The following DDX10 variants were observed in gnomAD, a reference collection of about 807,000 sequenced individuals.
DDX10 encodes probable ATP-dependent RNA helicase DDX10.
Under a neutral mutation model 104.3 loss-of-function variants are expected in DDX10, and 74 were observed. That is an observed-to-expected ratio of 0.71 (90% confidence interval 0.59 to 0.86). The LOEUF (loss-of-function observed/expected upper bound fraction) is 0.86. DDX10 is among the 40% of genes least tolerant of loss of function. The pLI, the probability that DDX10 is intolerant of heterozygous loss-of-function variation, is 0.00. For synonymous variants in DDX10, 351 were observed against 353.4 expected, an observed-to-expected ratio of 0.99 and a Z score of 0.08; for missense variants, 952 against 1,040.0, an observed-to-expected ratio of 0.92 and a Z score of 1.16.
intron 16 of DDX10, among the ~76,000 whole-genome samples, chr11:108,900,050 T>A (rs1334406460): frequency 6.6e-6 from 1 of 151,920 alleles, no homozygotes; most frequent in Non-Finnish European, 1.5e-5. Flanking sequence ...AGGCGGAGGT[T>A]GCAGTGAGCT....
chr11:108,834,100 C>T (rs940093150), intron 13 of DDX10, among the ~76,000 whole-genome samples: 3 of 151,634 alleles, frequency 2.0e-5, no homozygotes, highest in African/African-American at 7.3e-5. Context: ...AGACTACAGG[C>T]CTGTGCCACC....
intron 13 of DDX10, among the ~76,000 whole-genome samples, chr11:108,804,007 G>A (rs1413242311): frequency 6.6e-6 from 1 of 152,110 alleles, no homozygotes; most frequent in Non-Finnish European, 1.5e-5. Context: ...GCAATTTCTT[G>A]CTGCTCTCTT....
At chr11:108,679,325 T>C in intron 5 of DDX10, 46 bp from the exon 6 acceptor site, 4 of 1,477,238 alleles carry the variant, frequency 2.7e-6, no homozygotes, top group Non-Finnish European at 3.6e-6. Context: ...TTTAGCCTAA[T>C]GTATATTTTA....
chr11:108,672,313 A>G (rs2094218226), intron 1 of DDX10, among the ~76,000 whole-genome samples: 2 of 152,096 alleles, frequency 1.3e-5, no homozygotes, highest in African/African-American at 4.8e-5. Flanking sequence ...TCCCTTTGAA[A>G]ACAGCTTTTT....
intron 11 of DDX10, among the ~76,000 whole-genome samples, chr11:108,719,054 G>C (rs1383160127): frequency 6.7e-6 from 1 of 149,530 alleles, no homozygotes; most frequent in South Asian, 2.1e-4. Context: ...ACTGATAAAG[G>C]ATCAGGACCC....
intron 13 of DDX10, among the ~76,000 whole-genome samples, chr11:108,805,749 T>C (rs538357809): frequency 6.6e-6 from 1 of 152,284 alleles, no homozygotes; most frequent in South Asian, 2.1e-4. Flanking sequence ...ATCCTTCATT[T>C]GTTGATGTCA....
chr11:108,855,582 C>T (rs1005402899), intron 16 of DDX10, among the ~76,000 whole-genome samples: 8 of 152,154 alleles, frequency 5.3e-5, no homozygotes, highest in Admixed American at 3.3e-4. Context: ...GCCTCAGCCT[C>T]CCGAGTAGCT....
At chr11:108,857,285 G>T (rs1862883113) in intron 16 of DDX10, among the ~76,000 whole-genome samples, 1 of 152,152 alleles carries the variant, frequency 6.6e-6, no homozygotes, top group African/African-American at 2.4e-5. Flanking sequence ...AGTAAGGAAA[G>T]AACTCTGGGC....
At chr11:108,771,381 A>G (rs562138892) in intron 13 of DDX10, among the ~76,000 whole-genome samples, 1 of 149,018 alleles carries the variant, frequency 6.7e-6, no homozygotes, top group Admixed American at 6.7e-5. Flanking sequence ...TTTTTTTGAG[A>G]TGGAGTCTCA....
At chr11:108,754,615 A>G (rs2094342365) in intron 13 of DDX10, among the ~76,000 whole-genome samples, 1 of 152,088 alleles carries the variant, frequency 6.6e-6, no homozygotes, top group Admixed American at 6.6e-5. Context: ...TGGAAATGAA[A>G]TAGATGAGTA....
chr11:108,833,998 C>T (rs1034808959), intron 13 of DDX10, among the ~76,000 whole-genome samples: 2 of 152,086 alleles, frequency 1.3e-5, no homozygotes, highest in African/African-American at 4.8e-5. Flanking sequence ...CTCTTTGATC[C>T]AAGCTAGATT....
At chr11:108,680,315 A>C (rs879803918) in intron 6 of DDX10, among the ~76,000 whole-genome samples, 2 of 152,200 alleles carry the variant, frequency 1.3e-5, no homozygotes, top group African/African-American at 4.8e-5. Flanking sequence ...TCTGGGCTCA[A>C]ACAATCCTCC....
At chr11:108,934,833 T>C (rs1013416313) in intron 17 of DDX10, among the ~76,000 whole-genome samples, 1 of 152,162 alleles carries the variant, frequency 6.6e-6, no homozygotes, top group Non-Finnish European at 1.5e-5. Flanking sequence ...GAACTTGTGA[T>C]ATTAAAAACG....
At chr11:108,794,517 G>A (rs1271354323) in intron 13 of DDX10, among the ~76,000 whole-genome samples, 2 of 151,284 alleles carry the variant, frequency 1.3e-5, no homozygotes, top group South Asian at 2.1e-4. Context: ...TTTTGGAGGT[G>A]TCCTTTATCA....
intron 16 of DDX10, among the ~76,000 whole-genome samples, chr11:108,892,558 C>T (rs191438067): frequency 1.3e-5 from 2 of 152,108 alleles, no homozygotes; most frequent in East Asian, 1.9e-4. Context: ...GTAGTAATGC[C>T]CGTGCAATCA....
intron 13 of DDX10, among the ~76,000 whole-genome samples, chr11:108,731,074 C>T (rs569019587): frequency 6.1e-5 from 9 of 146,890 alleles, no homozygotes; most frequent in East Asian, 4.1e-4. Context: ...TTTTTTGAGA[C>T]GGAGTCTCGC....
chr11:108,728,805 C>G (rs1000118369), intron 13 of DDX10, among the ~76,000 whole-genome samples: 2 of 152,052 alleles, frequency 1.3e-5, no homozygotes, highest in African/African-American at 4.8e-5. Flanking sequence ...GGCAGTAAGC[C>G]GCTGTGCCCT....
At chr11:108,766,065 G>A (rs913546336) in intron 13 of DDX10, among the ~76,000 whole-genome samples, 2 of 152,078 alleles carry the variant, frequency 1.3e-5, no homozygotes, top group Admixed American at 6.6e-5. Context: ...TTTGATTTGG[G>A]TAGATTTCCC....
intron 16 of DDX10, among the ~76,000 whole-genome samples, chr11:108,912,789 G>A (rs1863697134): frequency 6.6e-6 from 1 of 152,156 alleles, no homozygotes; most frequent in South Asian, 2.1e-4. Context: ...TTATCTGAGT[G>A]TTTCCTCTGC....
Sources: gnomAD v4.1 joint callset for allele counts (sites outside exome capture counted in the v4.1 genomes callset) on GRCh38, gnomAD v4.1.1 for gene constraint, MANE v1.5 for transcripts, NCBI Gene and HGNC (gene_info 2026-07-23, HGNC 2026-07-21) for gene names.